The following PEX5 variants were observed in gnomAD, a reference collection of about 807,000 sequenced individuals.
PEX5 encodes peroxisomal biogenesis factor 5.
In PEX5, 52 loss-of-function variants were observed where a neutral mutation model predicts 82.9. The ratio of observed to expected loss-of-function variants is 0.63; its 90% CI spans 0.50 to 0.79. PEX5 has a LOEUF of 0.79. Among genes scored for constraint, PEX5 ranks in the 30% least tolerant of loss-of-function variants. PEX5 has a pLI of 0.00. For missense variants in PEX5, 719 were observed against 815.2 expected (o/e 0.88, Z 1.44); for synonymous variants, 300 against 318.8 (o/e 0.94, Z 0.63).
intron 13 of PEX5, 144 bp downstream of exon 13, chr12:7,208,813 G>A (rs1019711741): frequency 2.2e-6 from 2 of 892,014 alleles, no homozygotes; most frequent in Non-Finnish European, 3.7e-6. Flanking sequence ...GTTGAAGGAG[G>A]TCTGCATTCT....
chr12:7,203,927 C>G (rs775667221), intron 10 of PEX5, among the ~76,000 whole-genome samples: 3 of 152,306 alleles, frequency 2.0e-5, no homozygotes, highest in Admixed American at 6.5e-5. Flanking sequence ...ATCCCTTTGC[C>G]TCCACATCTT....
downstream of PEX5, among the ~76,000 whole-genome samples, chr12:7,212,100 G>A (rs4620798): frequency 0.74 from 111,285 of 151,240 alleles, 41,681 homozygotes; most frequent in South Asian, 0.83. Context: ...TAAGTAGATG[G>A]GATTACAGGC....
chr12:7,200,174 G>A (rs1191561569), intron 6 of PEX5, among the ~76,000 whole-genome samples: 1 of 150,580 alleles, frequency 6.6e-6, no homozygotes, highest in Admixed American at 6.6e-5. Context: ...CTTCTCAGAC[G>A]GGGCGGCCGG....
At chr12:7,202,952 T>C (rs1042423134) in intron 9 of PEX5, among the ~76,000 whole-genome samples, 1 of 151,682 alleles carries the variant, frequency 6.6e-6, no homozygotes, top group Non-Finnish European at 1.5e-5. Context: ...AGGTTAGGAG[T>C]TCGAGACCAG....
At chr12:7,209,311 G>T in intron 14 of PEX5, 141 bp downstream of exon 14, 2 of 855,574 alleles carry the variant, frequency 2.3e-6, no homozygotes, top group South Asian at 2.8e-5. Flanking sequence ...CTTGAGCCTG[G>T]GAGTTCAAAT....
chr12:7,189,855 C>T, intron 1 of PEX5, 105 bp downstream of exon 1: 1 of 1,281,196 alleles, frequency 7.8e-7, no homozygotes, highest in Non-Finnish European at 1.0e-6. Flanking sequence ...GGCAGCAGGG[C>T]CGGGGAGATG....
chr12:7,211,580 T>G (rs1945573192), downstream of PEX5: 2 of 152,154 alleles, frequency 1.3e-5, no homozygotes, highest in Non-Finnish European at 2.9e-5. Flanking sequence ...CACTGGTATA[T>G]TGGTTACCTG....
chr12:7,192,157 T>C lies in PEX5; in HGVS notation c.448+457T>C, dbSNP rs79219270. On this transcript the variant is annotated intron_variant, in intron 5 of 15. Transcript: ENST00000675855. ...CATACCATGATGATGATAATAAAAA[T>C]TAATAACAATAGTTACGTTCTAGGC... Among the ~76,000 whole-genome samples, 738 of 152,334 alleles carry C rather than the reference T, an allele frequency of 4.8e-3. 7 individuals carry two copies. Among genetic ancestry groups the C allele is most frequent in the African/African-American group, 0.015 (638 of 41,574 alleles).
intron 17 of PEX5, among the ~76,000 whole-genome samples, chr12:7,217,716 T>C (rs1467319679): frequency 6.6e-6 from 1 of 152,268 alleles, no homozygotes; most frequent in Non-Finnish European, 1.5e-5. Context: ...AGAATGACCC[T>C]TGGTGGCCTG....
At chr12:7,200,026 A>ACCC (rs1460184662) in intron 6 of PEX5, among the ~76,000 whole-genome samples, 1 of 52,472 alleles carries the variant, frequency 1.9e-5, no homozygotes, top group Non-Finnish European at 4.7e-5. Context: ...CGGGGGGCTG[A>ACCC]CCCGCACCTC....
Position 7,199,085 on chromosome 12 carries a change from G to A in PEX5, c.523G>A (p.Glu175Lys), listed in dbSNP as rs1259114034. 5 of 1,603,318 alleles carry A rather than the reference G, an allele frequency of 3.1e-6. No homozygotes were observed. Among genetic ancestry groups the A allele is most frequent in the Admixed American group, 3.4e-5 (2 of 59,412 alleles). ...ATCAGAGGAGAAGCTGTGGCTGGGA[G>A]AACCTGAGGGAACAGCCACCGATCG... ...EQSEEKLWLG[E>K]PEGTATDRWY... Residue 175 changes from glutamate (E) to lysine (K), a missense_variant, in exon 6 of 16, where the codon GAA (glutamate) becomes AAA (lysine). Physicochemically the swap from Glu to Lys is moderately conservative, Grantham distance 56. Coordinates refer to ENST00000675855, the MANE Select transcript of PEX5 (RefSeq NM_001351132.2).
At chr12:7,201,942 G>T in intron 7 of PEX5, 101 bp downstream of exon 7, 1 of 882,380 alleles carries the variant, frequency 1.1e-6, no homozygotes, top group Non-Finnish European at 1.9e-6. Flanking sequence ...AAGGAGAAGA[G>T]ATCTTAGGTC....
rs1169943887 is a variant in PEX5, at chr12:7,202,625, C to G, written c.767C>G (p.Ala256Gly). ...EFIQQQGTSD[A>G]WVDQFTRPVN... The stretch of plus-strand genomic sequence containing the variant: ...TTTTTGTCGCAGGGTACATCAGATG[C>G]CTGGGTTGACCAGTTCACAAGACCA... The change falls in exon 9 of 16, where the codon GCC (alanine) becomes GGC (glycine). Residue 256 changes from alanine to glycine, a missense_variant. Ala to Gly is a moderately conservative substitution (Grantham distance 60). Coordinates refer to ENST00000675855, the MANE Select transcript of PEX5 (RefSeq NM_001351132.2). The G allele has an allele frequency of 1.2e-6, 2 of 1,613,918 alleles. No homozygotes were observed. The highest frequency in any genetic ancestry group is 4.5e-5 in the East Asian group (2 of 44,868).
downstream of PEX5, among the ~76,000 whole-genome samples, chr12:7,216,105 T>C (rs996227602): frequency 2.0e-4 from 30 of 152,214 alleles, no homozygotes; most frequent in African/African-American, 7.2e-4. Flanking sequence ...GTAGCTGCTA[T>C]TACAGGCGCC....
chr12:7,189,811 G>A, intron 1 of PEX5, 61 bp downstream of exon 1: 3 of 857,788 alleles, frequency 3.5e-6, no homozygotes, highest in South Asian at 5.9e-5. Context: ...CACCCTTGCG[G>A]TGGCCTCGCG....
rs1355347956 is a variant in PEX5 at position 7,190,346 on chromosome 12, C to T, written c.-16-16C>T. ...TGGCTTGGGTACCTCAGTTCCAAACCTCCTGTGTCCATCAGAGAGCTGGCG... is the reference window on the plus strand; with the variant it reads ...TGGCTTGGGTACCTCAGTTCCAAACTTCCTGTGTCCATCAGAGAGCTGGCG... On this transcript the variant is annotated splice_polypyrimidine_tract_variant and intron_variant, in intron 1 of 15. Transcript: ENST00000675855. 1.9e-6 allele frequency: 3 copies of T among 1,613,572 alleles called. No individual in the cohort carries two copies. In the African/African-American group the frequency reaches 4.0e-5, roughly 22 times the overall value.
At chr12:7,199,746 A>C (rs962623451) in intron 6 of PEX5, among the ~76,000 whole-genome samples, 1 of 151,056 alleles carries the variant, frequency 6.6e-6, no homozygotes, top group South Asian at 2.1e-4. Context: ...GGTGGTGGCC[A>C]GGCAGAGGGG....
At chr12:7,194,979 T>C (rs757636669) in intron 5 of PEX5, among the ~76,000 whole-genome samples, 2 of 152,210 alleles carry the variant, frequency 1.3e-5, no homozygotes, top group Non-Finnish European at 2.9e-5. Context: ...GCTTTAAAGA[T>C]AAGGACATGG....
At chr12:7,212,040 A>G (rs1184290603), downstream of PEX5, among the ~76,000 whole-genome samples, 1 of 150,056 alleles carries the variant, frequency 6.7e-6, no homozygotes, top group Non-Finnish European at 1.5e-5. Context: ...ATCTCAGCTC[A>G]CTGCAGCCTC....
Sources: allele counts gnomAD v4.1 joint callset (sites outside exome capture counted in the v4.1 genomes callset), GRCh38; gene constraint gnomAD v4.1.1; transcripts MANE v1.5; gene names NCBI Gene and HGNC (gene_info 2026-07-23, HGNC 2026-07-21).